Variants in PXDNL observed in about 807,000 individuals in gnomAD.
The protein encoded by PXDNL is peroxidasin like, also known as probable oxidoreductase PXDNL.
In PXDNL, 145 loss-of-function variants were observed where a neutral mutation model predicts 150.8. That is an observed-to-expected ratio of 0.96 (90% confidence interval 0.84 to 1.10). The LOEUF is 1.10. PXDNL is among the 50% of genes least tolerant of loss of function. The pLI, the probability that PXDNL is intolerant of heterozygous loss-of-function variation, is 0.00. For missense variants in PXDNL, 2,087 were observed against 1,873.9 expected (o/e 1.11, Z -2.10); for synonymous variants, 757 against 725.7 (o/e 1.04, Z -0.69).
intron 14 of PXDNL, among the ~76,000 whole-genome samples, chr8:51,414,899 T>C (rs1369160847): frequency 6.6e-6 from 1 of 152,142 alleles, no homozygotes; most frequent in African/African-American, 2.4e-5. Flanking sequence ...AATGAAAAAG[T>C]GTCAATGAAC....
intron 19 of PXDNL, among the ~76,000 whole-genome samples, chr8:51,360,446 G>A (rs1167670912): frequency 6.6e-6 from 1 of 152,010 alleles, no homozygotes; most frequent in Admixed American, 6.6e-5. Flanking sequence ...AGCTATACAT[G>A]CCTATACAAT....
intron 1 of PXDNL, among the ~76,000 whole-genome samples, chr8:51,691,183 A>G (rs1042842424): frequency 6.6e-6 from 1 of 152,132 alleles, no homozygotes; most frequent in Non-Finnish European, 1.5e-5. Context: ...ATTAGATCCC[A>G]TTTGTCAATT....
chr8:51,564,940 C>T (rs1425189141), intron 3 of PXDNL, among the ~76,000 whole-genome samples: 1 of 151,804 alleles, frequency 6.6e-6, no homozygotes, highest in Non-Finnish European at 1.5e-5. Flanking sequence ...CAAACAAAGA[C>T]AGTTTTACTT....
At chr8:51,395,249 T>C (rs1301558668) in intron 17 of PXDNL, among the ~76,000 whole-genome samples, 1 of 152,190 alleles carries the variant, frequency 6.6e-6, no homozygotes, top group Non-Finnish European at 1.5e-5. Context: ...TTCCAGATGC[T>C]GGGTGAACAC....
chr8:51,654,601 C>T, intron 2 of PXDNL, 88 bp downstream of exon 2: 1 of 982,016 alleles, frequency 1.0e-6, no homozygotes, highest in South Asian at 1.4e-5. Context: ...ACTAGCTGTT[C>T]TTGACACTCA....
chr8:51,785,292 T>C (rs959622099), intron 1 of PXDNL, among the ~76,000 whole-genome samples: 1 of 152,174 alleles, frequency 6.6e-6, no homozygotes, highest in Non-Finnish European at 1.5e-5. Context: ...CATTAGATAA[T>C]GCCTGAGGAC....
chr8:51,407,571 C>G (rs1808471452), intron 17 of PXDNL, among the ~76,000 whole-genome samples: 1 of 152,134 alleles, frequency 6.6e-6, no homozygotes, highest in Non-Finnish European at 1.5e-5. Flanking sequence ...AACAGTAATA[C>G]TTTACCGAAA....
At chr8:51,335,566 A>G (rs1805808096) in intron 21 of PXDNL, among the ~76,000 whole-genome samples, 1 of 152,050 alleles carries the variant, frequency 6.6e-6, no homozygotes, top group African/African-American at 2.4e-5. Flanking sequence ...TATTTGTAGT[A>G]CCTCGAGTAC....
chr8:51,756,480 T>G (rs2130986996), intron 1 of PXDNL, among the ~76,000 whole-genome samples: 1 of 152,202 alleles, frequency 6.6e-6, no homozygotes, highest in Non-Finnish European at 1.5e-5. Context: ...TTTTCAAATT[T>G]TTCTTTGCTG....
intron 1 of PXDNL, among the ~76,000 whole-genome samples, chr8:51,787,439 C>T (rs576647600): frequency 6.6e-6 from 1 of 152,278 alleles, no homozygotes; most frequent in South Asian, 2.1e-4. Context: ...TCAACATTAA[C>T]AAGAGTTTGT....
intron 17 of PXDNL, among the ~76,000 whole-genome samples, chr8:51,386,038 A>C (rs778014485): frequency 6.6e-6 from 1 of 152,216 alleles, no homozygotes; most frequent in Non-Finnish European, 1.5e-5. Flanking sequence ...AACGAATAAA[A>C]GAATAGCTCT....
chr8:51,708,973 TGACATGTTTGGGGATTCCAGCCTTTGGG>T, intron 1 of PXDNL, among the ~76,000 whole-genome samples: 1 of 152,018 alleles, frequency 6.6e-6, no homozygotes, highest in East Asian at 2.0e-4. Flanking sequence ...GGATTTGAAA[TGACATGTTTGGGGATTCCAGCCTTTGGG>T]GTTTAAGCAG....
At chr8:51,700,278 TATAC>T (rs1179997255) in intron 1 of PXDNL, among the ~76,000 whole-genome samples, 2 of 151,210 alleles carry the variant, frequency 1.3e-5, no homozygotes, top group African/African-American at 4.9e-5. Flanking sequence ...CACACACATA[TATAC>T]ATACATACAC....
chr8:51,764,748 T>C (rs1167817613), intron 1 of PXDNL, among the ~76,000 whole-genome samples: 1 of 152,202 alleles, frequency 6.6e-6, no homozygotes, highest in African/African-American at 2.4e-5. Flanking sequence ...CTAGAGCATG[T>C]TTTATGTGCA....
At chr8:51,493,438 AC>A (rs1300389091) in intron 5 of PXDNL, among the ~76,000 whole-genome samples, 16 of 152,230 alleles carry the variant, frequency 1.1e-4, no homozygotes, top group African/African-American at 3.9e-4. Flanking sequence ...AAGGAGAATG[AC>A]TTTTGACGAA....
chr8:51,677,334 C>T (rs896751899), intron 1 of PXDNL, among the ~76,000 whole-genome samples: 2 of 152,182 alleles, frequency 1.3e-5, no homozygotes, highest in African/African-American at 4.8e-5. Flanking sequence ...TCATTATTCT[C>T]TGCTGCTTAA....
intron 17 of PXDNL, among the ~76,000 whole-genome samples, chr8:51,399,273 CG>C (rs1808176471): frequency 6.6e-6 from 1 of 152,132 alleles, no homozygotes; most frequent in East Asian, 1.9e-4. Context: ...CACAAAAAGA[CG>C]TGCATGTAAG....
intron 1 of PXDNL, among the ~76,000 whole-genome samples, chr8:51,671,629 T>C (rs1301636824): frequency 2.6e-5 from 4 of 152,310 alleles, no homozygotes; most frequent in African/African-American, 9.6e-5. Flanking sequence ...TGTTCTTCAG[T>C]AGCCCCAGGC....
intron 4 of PXDNL, among the ~76,000 whole-genome samples, chr8:51,507,009 A>T (rs1282932420): frequency 6.6e-6 from 1 of 152,166 alleles, no homozygotes; most frequent in Non-Finnish European, 1.5e-5. Context: ...TTAAGGACTT[A>T]GTGACTGCTT....
Sources: allele counts gnomAD v4.1 joint callset (sites outside exome capture counted in the v4.1 genomes callset), GRCh38; gene constraint gnomAD v4.1.1; transcripts MANE v1.5; gene names NCBI Gene and HGNC (gene_info 2026-07-23, HGNC 2026-07-21).